Variants in CDH18 observed in about 807,000 individuals in gnomAD.
CDH18 encodes cadherin-18.
A neutral mutation model predicts 67.9 loss-of-function variants in CDH18; 31 were observed. The observed-to-expected ratio is 0.46, with a 90% CI of 0.34 to 0.62. The LOEUF (loss-of-function observed/expected upper bound fraction) is 0.62, where lower values mean the gene tolerates loss of function less well. CDH18 is among the 20% of genes least tolerant of loss of function. The pLI is 0.01. For missense variants in CDH18, 890 were observed against 975.5 expected (o/e 0.91, Z 1.17); for synonymous variants, 362 against 347.2 (o/e 1.04, Z -0.48).
chr5:19,659,537 T>C (rs1756877784), intron 5 of CDH18, among the ~76,000 whole-genome samples: 1 of 152,120 alleles, frequency 6.6e-6, no homozygotes, highest in Non-Finnish European at 1.5e-5. Flanking sequence ...GCCAAATTAT[T>C]ATGGTTTGAA....
At chr5:20,342,060 G>A (rs1007132691) in intron 1 of CDH18, among the ~76,000 whole-genome samples, 2 of 152,104 alleles carry the variant, frequency 1.3e-5, no homozygotes, top group Admixed American at 6.5e-5. Context: ...CTGAGTAAGA[G>A]TTTTGTCTCC....
At chr5:20,326,342 A>G (rs1429838014) in intron 1 of CDH18, among the ~76,000 whole-genome samples, 1 of 152,112 alleles carries the variant, frequency 6.6e-6, no homozygotes, top group Non-Finnish European at 1.5e-5. Flanking sequence ...ATCATTTATC[A>G]TTTAAAAATT....
At chr5:20,433,093 A>G (rs1748892442) in intron 1 of CDH18, among the ~76,000 whole-genome samples, 1 of 150,970 alleles carries the variant, frequency 6.6e-6, no homozygotes. Flanking sequence ...GCCGAGGTCA[A>G]TAGGCGACAT....
At chr5:20,230,465 GTTAT>G (rs777601185) in intron 2 of CDH18, among the ~76,000 whole-genome samples, 4 of 152,146 alleles carry the variant, frequency 2.6e-5, no homozygotes, top group Non-Finnish European at 5.9e-5. Flanking sequence ...TCCTAAAGCA[GTTAT>G]TTATTTCTAT....
chr5:20,414,125 G>A (rs1235132574), intron 1 of CDH18, among the ~76,000 whole-genome samples: 2 of 152,174 alleles, frequency 1.3e-5, no homozygotes, highest in Admixed American at 6.5e-5. Context: ...CCTGTGGAAA[G>A]CAGTTTGGAA....
intron 8 of CDH18, among the ~76,000 whole-genome samples, chr5:19,566,672 T>TATC (rs1740461153): frequency 6.6e-6 from 1 of 152,014 alleles, no homozygotes; most frequent in South Asian, 2.1e-4. Flanking sequence ...ACCAGGTCCC[T>TATC]ATCACAACAC....
At chr5:20,520,737 G>A (rs1755696065) in intron 1 of CDH18, among the ~76,000 whole-genome samples, 1 of 152,150 alleles carries the variant, frequency 6.6e-6, no homozygotes, top group East Asian at 1.9e-4. Context: ...CAGTTTAGGG[G>A]ATAATCTAGT....
At chr5:19,633,341 T>C (rs1167534695) in intron 5 of CDH18, among the ~76,000 whole-genome samples, 1 of 152,164 alleles carries the variant, frequency 6.6e-6, no homozygotes, top group African/African-American at 2.4e-5. Context: ...ACTTACTTCA[T>C]TTAATGAAGT....
At chr5:20,036,390 A>T (rs926902624) in intron 2 of CDH18, among the ~76,000 whole-genome samples, 1 of 152,026 alleles carries the variant, frequency 6.6e-6, no homozygotes, top group Non-Finnish European at 1.5e-5. Flanking sequence ...AAATTTAAAG[A>T]TGATACTTAA....
chr5:19,501,331 A>G (rs2126748402), intron 11 of CDH18, among the ~76,000 whole-genome samples: 1 of 150,566 alleles, frequency 6.6e-6, no homozygotes, highest in African/African-American at 2.4e-5. Flanking sequence ...GGCCAGGGGC[A>G]GAGGCTTATT....
chr5:20,200,403 G>A (rs145593268), intron 2 of CDH18, among the ~76,000 whole-genome samples: 2,378 of 152,232 alleles, frequency 0.016, 60 homozygotes, highest in African/African-American at 0.04. Context: ...GTTGGGTGTC[G>A]TGGCTCACAC....
chr5:19,697,426 G>A (rs1242179709), intron 5 of CDH18, among the ~76,000 whole-genome samples: 1 of 152,040 alleles, frequency 6.6e-6, no homozygotes, highest in East Asian at 1.9e-4. Flanking sequence ...TAGGCATATT[G>A]GTTATTGTAA....
chr5:19,954,621 G>A (rs2150277419), intron 2 of CDH18, among the ~76,000 whole-genome samples: 1 of 151,932 alleles, frequency 6.6e-6, no homozygotes, highest in South Asian at 2.1e-4. Context: ...GCACGCTGAA[G>A]AAAGAAGAGA....
At chr5:19,500,977 C>T (rs1209935544) in intron 11 of CDH18, among the ~76,000 whole-genome samples, 2 of 150,998 alleles carry the variant, frequency 1.3e-5, no homozygotes, top group African/African-American at 4.9e-5. Flanking sequence ...CTAAAAAATA[C>T]AAAAAAATTG....
chr5:19,641,408 A>C (rs1753975333), intron 5 of CDH18, among the ~76,000 whole-genome samples: 1 of 152,078 alleles, frequency 6.6e-6, no homozygotes, highest in African/African-American at 2.4e-5. Context: ...TGATTGGTCA[A>C]TATTCTTGAA....
Position 19,571,774 on chromosome 5 carries a change from T to A in CDH18, c.1058A>T (p.His353Leu). Residue 353 changes from histidine (H) to leucine (L), a missense_variant, in exon 8 of 13, where the codon CAT becomes CTT. Transcript: ENST00000382275. ...YTLNIEGANT[H>L]LDFRFSHLGP... The stretch of plus-strand genomic sequence containing the variant: ...CAAGTGAGAAAAGCGAAAATCAAGA[T>A]GTGTATTTGCTCCTTCTATGTTGAG... 1 of 1,613,690 alleles carries A rather than the reference T, an allele frequency of 6.2e-7. No individual in the cohort carries two copies. Among genetic ancestry groups the A allele is most frequent in the African/African-American group, 1.3e-5 (1 of 75,042 alleles).
chr5:19,925,535 C>T (rs914775705), intron 2 of CDH18, among the ~76,000 whole-genome samples: 1 of 152,034 alleles, frequency 6.6e-6, no homozygotes, highest in African/African-American at 2.4e-5. Flanking sequence ...GTCACCCTGG[C>T]TGGAGTGCAG....
At chr5:19,593,356 C>G (rs985224692) in intron 6 of CDH18, among the ~76,000 whole-genome samples, 1 of 152,056 alleles carries the variant, frequency 6.6e-6, no homozygotes. Flanking sequence ...CATAAATAGC[C>G]ATCCTGAGAG....
chr5:19,922,227 A>G (rs1792567105), intron 2 of CDH18, among the ~76,000 whole-genome samples: 1 of 152,214 alleles, frequency 6.6e-6, no homozygotes, highest in Non-Finnish European at 1.5e-5. Context: ...TAATAATTTA[A>G]TAGAAGGGTT....
Sources: allele counts gnomAD v4.1 joint callset (sites outside exome capture counted in the v4.1 genomes callset), GRCh38; gene constraint gnomAD v4.1.1; transcripts MANE v1.5; gene names NCBI Gene and HGNC (gene_info 2026-07-23, HGNC 2026-07-21).